The following CLVS1 variants were observed in gnomAD, a reference collection of about 807,000 sequenced individuals.
CLVS1 encodes clavesin-1.
In CLVS1, 10 loss-of-function variants were observed where a neutral mutation model predicts 33.1. The ratio of observed to expected loss-of-function variants is 0.30; its 90% CI spans 0.19 to 0.51. The LOEUF (loss-of-function observed/expected upper bound fraction) is 0.51. CLVS1 is among the 20% of genes least tolerant of loss of function. The probability of loss-of-function intolerance (pLI) is 0.97; values close to 1 mark genes in which losing one functional copy is unlikely to be tolerated. For missense variants in CLVS1, 343 were observed against 433.4 expected (o/e 0.79, Z 1.85); for synonymous variants, 163 against 166.1 (o/e 0.98, Z 0.14).
At chr8:61,100,988 T>C (rs936477329) in intron 1 of CLVS1, among the ~76,000 whole-genome samples, 1 of 152,230 alleles carries the variant, frequency 6.6e-6, no homozygotes, top group African/African-American at 2.4e-5. Flanking sequence ...GACAGACACA[T>C]TGGTTGTTTT....
Position 61,207,438 on chromosome 8 carries a change from G to A in CLVS1, c.-152+75578G>A, listed in dbSNP as rs1807878863. ...AGTGCAGAGGTGCCTGGGCTCAAGT[G>A]AAGTGCAGAGGTGACCCCAGCATCC... On this transcript the variant is annotated intron_variant, in intron 2 of 2. Transcript: ENST00000522621. Among the ~76,000 whole-genome samples the A allele has an allele frequency of 2.0e-5, 3 of 152,226 alleles. No homozygotes were observed. In the South Asian group the frequency reaches 6.2e-4, roughly 32 times the overall value.
At chr8:61,073,056 G>A (rs1256524392) in intron 1 of CLVS1, among the ~76,000 whole-genome samples, 1 of 152,112 alleles carries the variant, frequency 6.6e-6, no homozygotes, top group African/African-American at 2.4e-5. Context: ...TTTATGATAA[G>A]GAATGGGAGC....
intron 3 of CLVS1, among the ~76,000 whole-genome samples, chr8:61,448,761 G>A (rs1816846817): frequency 6.7e-6 from 1 of 150,040 alleles, no homozygotes; most frequent in Non-Finnish European, 1.5e-5. Flanking sequence ...ATATTTATTT[G>A]CTATCAATTC....
intron 2 of CLVS1, among the ~76,000 whole-genome samples, chr8:61,211,751 G>A (rs1383070829): frequency 2.6e-5 from 4 of 152,206 alleles, no homozygotes; most frequent in African/African-American, 9.7e-5. Context: ...ATTCAATTAT[G>A]GATCTTGAGC....
the CLVS1 span, among the ~76,000 whole-genome samples, chr8:61,039,216 AAAC>A: frequency 2.0e-5 from 3 of 152,264 alleles, no homozygotes; most frequent in Non-Finnish European, 4.4e-5. Context: ...AATTTTCACA[AAAC>A]AACATTTATT....
intron 5 of CLVS1, among the ~76,000 whole-genome samples, chr8:61,490,933 C>A (rs1347118389): frequency 6.6e-6 from 1 of 151,064 alleles, no homozygotes; most frequent in Admixed American, 6.6e-5. Flanking sequence ...TGCACTCCAG[C>A]CTGGGCAACA....
chr8:61,241,322 G>C (rs1052945464), intron 2 of CLVS1, among the ~76,000 whole-genome samples: 1 of 151,946 alleles, frequency 6.6e-6, no homozygotes, highest in Admixed American at 6.6e-5. Context: ...TTTAATTCAC[G>C]AGATGAATTA....
At position 61,457,093 on chromosome 8, in the gene CLVS1, A is replaced by G. The variant is rs368066529; in HGVS notation, c.742-1214A>G. On this transcript the variant is annotated intron_variant, in intron 4 of 5. Coordinates refer to ENST00000325897, the MANE Select transcript of CLVS1 (RefSeq NM_173519.3). ...GCTGGGATTACAGGCGTGCCCCACCATGCCCAGCTAATTTTGTATTTTTAG... is the reference window on the plus strand; with the variant it reads ...GCTGGGATTACAGGCGTGCCCCACCGTGCCCAGCTAATTTTGTATTTTTAG... 4.5e-4 allele frequency among the ~76,000 whole-genome samples: 69 copies of G among 151,794 alleles called. No individual in the cohort carries two copies. The Middle Eastern group carries it at 0.014, about 30-fold the overall frequency.
chr8:61,103,736 A>G (rs958494794), intron 1 of CLVS1, among the ~76,000 whole-genome samples: 1 of 152,242 alleles, frequency 6.6e-6, no homozygotes, highest in Non-Finnish European at 1.5e-5. Flanking sequence ...ATTAATCATC[A>G]TAAGAATTAG....
the CLVS1 span, among the ~76,000 whole-genome samples, chr8:61,044,918 G>A: frequency 6.6e-6 from 1 of 152,192 alleles, no homozygotes; most frequent in African/African-American, 2.4e-5. Flanking sequence ...GTCCTAAAGT[G>A]TGATCTTTGG....
intron 2 of CLVS1, among the ~76,000 whole-genome samples, chr8:61,309,635 G>T (rs969759296): frequency 4.6e-5 from 7 of 152,196 alleles, no homozygotes; most frequent in African/African-American, 1.7e-4. Context: ...GTGTTCAGCT[G>T]TTTCTTGTCC....
At chr8:61,447,522 T>G (rs894587464) in intron 3 of CLVS1, among the ~76,000 whole-genome samples, 7 of 151,928 alleles carry the variant, frequency 4.6e-5, no homozygotes, top group African/African-American at 1.4e-4. Flanking sequence ...TATTTATCTA[T>G]AGTATTATTA....
rs1363804965 is a variant in CLVS1 at position 61,345,632 on chromosome 8, GTGTGTA to G, written c.456-30967_456-30962del. On this transcript the variant is annotated intron_variant, in intron 2 of 5. Coordinates refer to ENST00000325897, the MANE Select transcript of CLVS1 (RefSeq NM_173519.3). ...TTGGAGCCTCTAGGGGTGTGTGTGTGTGTGTATGTGTGTGTGTGTGTGTGTGTGTGT... is the reference window on the plus strand; with the variant it reads ...TTGGAGCCTCTAGGGGTGTGTGTGTGTGTGTGTGTGTGTGTGTGTGTGTGT... 2.7e-3 allele frequency among the ~76,000 whole-genome samples: 392 copies of G among 143,520 alleles called. 3 individuals are homozygous for G. Among genetic ancestry groups the G allele is most frequent in the African/African-American group, 9.8e-3 (361 of 36,826 alleles). The allele number at this position is 143,520 out of a possible 152,430, so 94.2% of individuals were successfully genotyped here. A position where few individuals can be genotyped will look rare whatever the true frequency, so the allele number is the denominator to read the frequency against.
intron 1 of CLVS1, among the ~76,000 whole-genome samples, chr8:61,060,140 G>A (rs781501425): frequency 4.6e-5 from 7 of 152,050 alleles, no homozygotes; most frequent in South Asian, 2.1e-4. Flanking sequence ...TGTCTTTTTC[G>A]TCCTTAGCAG....
chr8:61,208,472 C>T (rs544574382), intron 2 of CLVS1, among the ~76,000 whole-genome samples: 83 of 152,280 alleles, frequency 5.5e-4, no homozygotes, highest in African/African-American at 1.9e-3. Context: ...GTAGATTTCA[C>T]ATTTTAGATA....
At chr8:61,120,670 C>A (rs1254326735) in intron 1 of CLVS1, among the ~76,000 whole-genome samples, 1 of 137,696 alleles carries the variant, frequency 7.3e-6, no homozygotes, top group Non-Finnish European at 1.6e-5. Flanking sequence ...GGGGTGCCTC[C>A]CAGTTAGGCT....
chr8:61,087,320 C>T (rs1933030927), intron 1 of CLVS1, among the ~76,000 whole-genome samples: 2 of 152,298 alleles, frequency 1.3e-5, no homozygotes, highest in Middle Eastern at 3.4e-3. Context: ...GCATGGCGTA[C>T]CACATGGCTG....
At position 61,232,023 on chromosome 8, in the gene CLVS1, G is replaced by GTT. The variant is rs1158042227; in HGVS notation, c.-151-67628_-151-67627dup. Among the ~76,000 whole-genome samples, 345 of 62,628 alleles carry GTT rather than the reference G, an allele frequency of 5.5e-3. 22 individuals carry two copies. Among genetic ancestry groups the GTT allele is most frequent in the Admixed American group, 8.2e-3 (47 of 5,728 alleles). 41.1% of individuals were successfully genotyped at this position (62,628 alleles called of 152,430 possible). ...AGAAGGAGCCCTGAGGAAAGTTGTG[G>GTT]TTTTTTTTTTTTTTTTTTTTTTTTT... On this transcript the variant is annotated intron_variant, in intron 2 of 2. Coordinates refer to the CLVS1 transcript ENST00000522621.
chr8:61,165,050 C>G (rs1291774106), intron 2 of CLVS1, among the ~76,000 whole-genome samples: 2 of 152,154 alleles, frequency 1.3e-5, no homozygotes, highest in African/African-American at 4.8e-5. Context: ...AGCCGTGGGT[C>G]ACGGAAGAGA....
Sources: allele counts gnomAD v4.1 joint callset (sites outside exome capture counted in the v4.1 genomes callset), GRCh38; gene constraint gnomAD v4.1.1; transcripts MANE v1.5; gene names NCBI Gene and HGNC (gene_info 2026-07-23, HGNC 2026-07-21).